The following PRUNE1 variants were observed in gnomAD, a reference collection of about 807,000 sequenced individuals.
PRUNE1 encodes the protein prune exopolyphosphatase 1.
PRUNE1 carries 25 observed loss-of-function variants against 42.5 expected under a neutral mutation model. The ratio of observed to expected loss-of-function variants is 0.59; its 90% confidence interval spans 0.43 to 0.82. The LOEUF (loss-of-function observed/expected upper bound fraction) is 0.82, where lower values mean the gene tolerates loss of function less well. PRUNE1 is among the 40% of genes least tolerant of loss of function. The pLI, the probability that PRUNE1 is intolerant of heterozygous loss-of-function variation, is 0.00. For synonymous variants in PRUNE1, 203 were observed against 217.1 expected (o/e 0.93, Z 0.57); for missense variants, 443 against 539.3 (o/e 0.82, Z 1.77).
chr1:151,025,469 G>T (rs766794552), intron 4 of PRUNE1, 46 bp from the exon 5 acceptor site: 2 of 1,582,112 alleles, frequency 1.3e-6, no homozygotes, highest in Non-Finnish European at 1.7e-6. Flanking sequence ...GTGGTTGTGT[G>T]TGAAGGGTCA....
At position 151,034,378 on chromosome 1, in the gene PRUNE1, A is replaced by G. The variant is rs369639174; in HGVS notation, c.*144A>G. 1.0e-3 allele frequency: 860 copies of G among 838,816 alleles called. 15 individuals carry two copies. In the South Asian group the frequency reaches 0.015, roughly 15 times the overall value. 52.0% of individuals were successfully genotyped at this position (838,816 alleles called of 1,614,324 possible). A position where few individuals can be genotyped will look rare whatever the true frequency, so the allele number is the denominator to read the frequency against. ...CTCATAAAACTGAGAGGAGAAAAAA[A>G]GTGAAAGAAAGCAGCTGCTTTAAGA... On this transcript the variant is annotated 3_prime_UTR_variant, in exon 8 of 8. Transcript: ENST00000271620.
chr1:151,019,639 T>C (rs1478884994), intron 3 of PRUNE1, among the ~76,000 whole-genome samples: 1 of 151,804 alleles, frequency 6.6e-6, no homozygotes, highest in Non-Finnish European at 1.5e-5. Context: ...CTTTTTATTT[T>C]TTTACTTATT....
At chr1:151,028,983 G>GT in intron 7 of PRUNE1, 39 bp downstream of exon 7, 1 of 1,569,272 alleles carries the variant, frequency 6.4e-7, no homozygotes, top group Non-Finnish European at 8.8e-7. Context: ...GAGCCTTACA[G>GT]AGTCTGCCTG....
intron 5 of PRUNE1, among the ~76,000 whole-genome samples, chr1:151,026,252 T>C (rs966463361): frequency 1.3e-5 from 2 of 150,340 alleles, no homozygotes; most frequent in African/African-American, 4.9e-5. Flanking sequence ...AGGTCAGGAG[T>C]TCAAGACCAG....
In PRUNE1 at chr1:151,034,036, C is replaced by T; in HGVS notation, c.1164C>T (p.Asp388=). Residue 388 remains aspartate (D), a synonymous_variant, in exon 8 of 8, where the codon GAC becomes GAT. Transcript: ENST00000271620. ...VSREQVDKEL[D]RASNSLISGL... is the part of the protein sequence containing the mutation. ...GGGAGCAAGTGGACAAGGAATTGGA[C>T]AGGGCAAGTAACTCCCTGATTTCTG... is the stretch of plus-strand genomic sequence containing the variant. 1.2e-6 allele frequency: 2 copies of T among 1,614,192 alleles called. No homozygotes were observed. The highest frequency in any genetic ancestry group is 8.5e-7 in the Non-Finnish European group (1 of 1,180,018).
At chr1:151,025,246 TG>T (rs1409409190) in intron 4 of PRUNE1, among the ~76,000 whole-genome samples, 4 of 151,982 alleles carry the variant, frequency 2.6e-5, no homozygotes, top group Non-Finnish European at 5.9e-5. Flanking sequence ...ACTGAAGAGG[TG>T]TATCTCTGTC....
intron 7 of PRUNE1, among the ~76,000 whole-genome samples, 193 bp downstream of exon 7, chr1:151,029,137 TC>T (rs587658249): frequency 1.6e-3 from 227 of 139,576 alleles, no homozygotes; most frequent in African/African-American, 7.2e-3. Flanking sequence ...TATATGAATA[TC>T]CTTTTTTTTT....
At chr1:151,022,022 A>G (rs932917232) in intron 3 of PRUNE1, among the ~76,000 whole-genome samples, 101 of 150,966 alleles carry the variant, frequency 6.7e-4, no homozygotes, top group Non-Finnish European at 1.3e-3. Flanking sequence ...AGGCTAGAGT[A>G]CAGCGGCATC....
chr1:151,026,615 A>C (rs1309353842), intron 5 of PRUNE1, among the ~76,000 whole-genome samples: 3 of 152,070 alleles, frequency 2.0e-5, no homozygotes, highest in African/African-American at 7.2e-5. Context: ...CAAAAGATGA[A>C]GAGAACCCAA....
intron 3 of PRUNE1, among the ~76,000 whole-genome samples, chr1:151,020,941 C>T (rs1048086209): frequency 4.0e-5 from 6 of 151,344 alleles, no homozygotes; most frequent in African/African-American, 1.5e-4. Flanking sequence ...GAGATCATGC[C>T]ACTTGCACTC....
chr1:151,020,795 C>T (rs1674372373), intron 3 of PRUNE1, among the ~76,000 whole-genome samples: 2 of 151,616 alleles, frequency 1.3e-5, no homozygotes, highest in Non-Finnish European at 1.5e-5. Flanking sequence ...TCCTGGCTAA[C>T]ATGGTGAAAA....
intron 7 of PRUNE1, among the ~76,000 whole-genome samples, chr1:151,029,628 A>G (rs1436673974): frequency 6.6e-6 from 1 of 151,754 alleles, no homozygotes; most frequent in East Asian, 2.0e-4. Flanking sequence ...TGGCCTCCCA[A>G]AGTGCTGGGA....
Position 151,008,645 on chromosome 1 carries a change from C to G in PRUNE1, c.13C>G (p.Leu5Val), listed in dbSNP as rs1336325358. The change falls in exon 1 of 8, where the codon CTG becomes GTG. Residue 5 changes from leucine to valine, a missense_variant. Transcript: ENST00000271620. MEDY[L>V]QGCRAALQES... is the part of the protein sequence containing the mutation. ...TTTGGGCTTCATCATGGAGGACTAC[C>G]TGCAGGGTTGTCGAGCTGCTCTGCA... The G allele has an allele frequency of 1.2e-6, 2 of 1,614,194 alleles. No individual in the cohort carries two copies. Among genetic ancestry groups the G allele is most frequent in the South Asian group, 1.1e-5 (1 of 91,088 alleles).
chr1:151,023,697 G>A (rs1571796594), intron 3 of PRUNE1, among the ~76,000 whole-genome samples: 1 of 148,338 alleles, frequency 6.7e-6, no homozygotes, highest in African/African-American at 2.5e-5. Flanking sequence ...CAGCCTGGGC[G>A]ACACAGCGAG....
intron 1 of PRUNE1, among the ~76,000 whole-genome samples, chr1:151,011,845 C>A (rs1673788568): frequency 6.6e-6 from 1 of 150,580 alleles, no homozygotes; most frequent in Non-Finnish European, 1.5e-5. Flanking sequence ...GTTGCATGAT[C>A]TCGGCTCACT....
chr1:151,021,933 G>A (rs1355613953), intron 3 of PRUNE1, among the ~76,000 whole-genome samples: 1 of 150,980 alleles, frequency 6.6e-6, no homozygotes, highest in Non-Finnish European at 1.5e-5. Context: ...CTCCCAAAGT[G>A]CTGGGATTAC....
chr1:151,024,633 G>A lies in PRUNE1; in HGVS notation c.358G>A (p.Ala120Thr). ...LSKSDTALEE[A>T]VAEVLDHRPI... ...CAGAAGTGACACAGCCCTAGAGGAG[G>A]CAGTAGCAGAGGTGCTAGACCATCG... Residue 120 changes from alanine to threonine, a missense_variant, in exon 4 of 8, where the codon GCA (alanine) becomes ACA (threonine). By Grantham distance (58) the Ala-to-Thr change is moderately conservative (BLOSUM62 0). Coordinates refer to ENST00000271620, the MANE Select transcript of PRUNE1 (RefSeq NM_021222.3). 5.0e-6 allele frequency: 8 copies of A among 1,611,072 alleles called. No individual in the cohort carries two copies. The highest frequency in any genetic ancestry group is 6.8e-6 in the Non-Finnish European group (8 of 1,177,194).
At chr1:151,017,313 T>C (rs1674168151) in intron 1 of PRUNE1, among the ~76,000 whole-genome samples, 1 of 152,118 alleles carries the variant, frequency 6.6e-6, no homozygotes, top group African/African-American at 2.4e-5. Context: ...AAGAACACTT[T>C]TCTACAAACT....
chr1:151,008,988 A>G (rs1673560297), intron 1 of PRUNE1: 1 of 530,464 alleles, frequency 1.9e-6, no homozygotes, highest in Non-Finnish European at 3.6e-6. Flanking sequence ...AGTTCCATCA[A>G]AAAAACCAGG....
Sources: gnomAD v4.1 joint callset for allele counts (sites outside exome capture counted in the v4.1 genomes callset) on GRCh38, gnomAD v4.1.1 for gene constraint, MANE v1.5 for transcripts, NCBI Gene and HGNC (gene_info 2026-07-23, HGNC 2026-07-21) for gene names.